Variants in YTHDF3 observed in about 807,000 individuals in gnomAD.
The protein encoded by YTHDF3 is YTH domain-containing family protein 3.
Under a neutral mutation model 52.5 loss-of-function variants are expected in YTHDF3, and 9 were observed. The ratio of observed to expected loss-of-function variants is 0.17; its 90% confidence interval spans 0.10 to 0.30. The LOEUF is 0.30. Ranked by LOEUF, YTHDF3 falls within the 10% of genes least tolerant of loss-of-function variation. The pLI is 1.00. For synonymous variants in YTHDF3, 274 were observed against 243.3 expected, an observed-to-expected ratio of 1.13 and a Z score of -1.18; for missense variants, 534 against 715.0, an observed-to-expected ratio of 0.75 and a Z score of 2.89.
Position 63,203,310 on chromosome 8 carries a change from A to G in YTHDF3, c.1735-6373A>G, listed in dbSNP as rs191536375. Among the ~76,000 whole-genome samples the G allele has an allele frequency of 5.4e-3, 817 of 152,220 alleles. 11 individuals carry two copies. The highest frequency in any genetic ancestry group is 0.019 in the African/African-American group (793 of 41,534). ...AACTTTTGGGTGAAATTTCAGTAAC[A>G]CTTTTATCCTCATAAACAATAAGGA... On this transcript the variant is annotated intron_variant, in intron 4 of 4. Transcript: ENST00000539294.
intron 3 of YTHDF3, among the ~76,000 whole-genome samples, chr8:63,181,005 G>A (rs1462670696): frequency 6.6e-6 from 1 of 152,182 alleles, no homozygotes; most frequent in Non-Finnish European, 1.5e-5. Context: ...CTTAAAATTA[G>A]TTCTTTATAG....
At position 63,209,712 on chromosome 8, in the gene YTHDF3, T is replaced by G. The variant is rs1468797716; in HGVS notation, c.*6T>G. ...GAAATAGAAACAAACAATAACCGTA[T>G]GAAGATGTCCTGTTAAATTTACAAC... On this transcript the variant is annotated 3_prime_UTR_variant, in exon 5 of 5. Transcript: ENST00000539294. 7.0e-6 allele frequency: 11 copies of G among 1,576,550 alleles called. No homozygotes were observed. The highest frequency in any genetic ancestry group is 9.4e-6 in the Non-Finnish European group (11 of 1,166,866).
At position 63,186,798 on chromosome 8, in the gene YTHDF3, T is replaced by C. The variant is rs745990022; in HGVS notation, c.787T>C (p.Ser263Pro). ...CAAGGGCAATGTGGGAATTGGGGGT[T>C]CTGCTGTACCACCACCTCCTATAAA... Reference protein sequence around the residue: ...KPKGNVGIGGSAVPPPPIKHN... With the variant: ...KPKGNVGIGGPAVPPPPIKHN... Residue 263 changes from serine to proline, a missense_variant, in exon 4 of 5, where the codon TCT becomes CCT. By Grantham distance (74) the Ser-to-Pro change is moderately conservative (BLOSUM62 -1). Coordinates refer to ENST00000539294, the MANE Select transcript of YTHDF3 (RefSeq NM_152758.6). 8.6e-5 allele frequency: 138 copies of C among 1,613,894 alleles called. No individual in the cohort carries two copies. The Middle Eastern group carries it at 1.3e-3, about 15-fold the overall frequency.
chr8:63,195,750 G>GTA (rs1809192651), intron 4 of YTHDF3, among the ~76,000 whole-genome samples: 1 of 150,836 alleles, frequency 6.6e-6, no homozygotes, highest in African/African-American at 2.5e-5. Context: ...GTGTGTGTGT[G>GTA]TGTGTGTGTG....
intron 2 of YTHDF3, 147 bp from the exon 3 acceptor site, chr8:63,175,183 TA>T (rs1432375242): frequency 3.5e-6 from 2 of 579,220 alleles, no homozygotes; most frequent in East Asian, 6.0e-5. Context: ...GTATCTAAAA[TA>T]GTTTATCCTT....
intron 4 of YTHDF3, among the ~76,000 whole-genome samples, chr8:63,209,417 A>G (rs1043256185): frequency 1.3e-5 from 2 of 152,236 alleles, no homozygotes; most frequent in African/African-American, 4.8e-5. Context: ...TATTCTCATC[A>G]TAAACAAACA....
Position 63,186,864 on chromosome 8 carries a change from G to C in YTHDF3, c.853G>C (p.Val285Leu), listed in dbSNP as rs1483110032. The C allele has an allele frequency of 2.5e-6, 4 of 1,613,878 alleles. No homozygotes were observed. The highest frequency in any genetic ancestry group is 1.3e-5 in the African/African-American group (1 of 74,910). Residue 285 changes from valine (V) to leucine (L), a missense_variant, in exon 4 of 5, where the codon GTG becomes CTG. Val to Leu is a conservative substitution (Grantham distance 32). Around this residue, in one of 3 missense-constraint regions of YTHDF3, gnomAD observed 203 missense variants for 201.3 expected, o/e 1.01. Transcript: ENST00000539294. ...TGGAACTTGGGATGAAAAAGGGTCAGTGGTAAAGGCTCCACCAACCCAACC... is the reference window on the plus strand; with the variant it reads ...TGGAACTTGGGATGAAAAAGGGTCACTGGTAAAGGCTCCACCAACCCAACC... ...NIGTWDEKGS[V>L]VKAPPTQPVL...
At chr8:63,207,920 T>C (rs1810139516) in intron 4 of YTHDF3, among the ~76,000 whole-genome samples, 1 of 152,246 alleles carries the variant, frequency 6.6e-6, no homozygotes, top group South Asian at 2.1e-4. Context: ...GCTATTTATT[T>C]CCTTTAGCAG....
rs548997059 is a variant in YTHDF3, at chr8:63,188,103, G to A, written c.1734+358G>A. ...TAATATTATTAATCATACTAACATAGGAGAAAATATATTTAGAGTTTGAAA... is the reference window on the plus strand; with the variant it reads ...TAATATTATTAATCATACTAACATAAGAGAAAATATATTTAGAGTTTGAAA... On this transcript the variant is annotated intron_variant, in intron 4 of 4. Transcript: ENST00000539294. Among the ~76,000 whole-genome samples, 12 of 152,142 alleles carry A rather than the reference G, an allele frequency of 7.9e-5. No homozygotes were observed. In the South Asian group the frequency reaches 1.2e-3, roughly 16 times the overall value.
chr8:63,193,271 G>A (rs907774400), intron 4 of YTHDF3, among the ~76,000 whole-genome samples: 6 of 150,516 alleles, frequency 4.0e-5, no homozygotes, highest in Admixed American at 1.3e-4. Context: ...CCAGCTACTC[G>A]GGAGGCTGAG....
intron 4 of YTHDF3, among the ~76,000 whole-genome samples, chr8:63,190,603 C>A (rs868755110): frequency 6.6e-6 from 1 of 152,066 alleles, no homozygotes; most frequent in Non-Finnish European, 1.5e-5. Context: ...ATAAACAGAC[C>A]GCAGCCTACT....
intron 2 of YTHDF3, among the ~76,000 whole-genome samples, chr8:63,170,952 T>C (rs1307218602): frequency 6.7e-6 from 1 of 149,366 alleles, no homozygotes; most frequent in Non-Finnish European, 1.5e-5. Context: ...ATATTAGATA[T>C]GAGTTGAGTT....
intron 4 of YTHDF3, chr8:63,189,183 A>G (rs372189285): frequency 5.3e-5 from 8 of 152,136 alleles, no homozygotes; most frequent in South Asian, 2.1e-4. Context: ...CTTGTATTAT[A>G]TTGGCCAGAA....
chr8:63,177,797 G>T (rs1807802640), intron 3 of YTHDF3, among the ~76,000 whole-genome samples: 1 of 145,090 alleles, frequency 6.9e-6, no homozygotes, highest in South Asian at 2.2e-4. Flanking sequence ...TCGCTCTGTT[G>T]CCTAGGCTGG....
At chr8:63,199,899 G>A (rs1030698355) in intron 4 of YTHDF3, among the ~76,000 whole-genome samples, 3 of 152,164 alleles carry the variant, frequency 2.0e-5, no homozygotes, top group African/African-American at 7.2e-5. Flanking sequence ...TATTAAATGA[G>A]TAGGGATAGT....
At chr8:63,168,981 C>A in intron 1 of YTHDF3, 80 bp downstream of exon 1, 2 of 1,508,938 alleles carry the variant, frequency 1.3e-6, no homozygotes, top group South Asian at 1.2e-5. Flanking sequence ...GGCTCCTCCC[C>A]GTCGCCGCCG....
intron 4 of YTHDF3, among the ~76,000 whole-genome samples, chr8:63,199,700 A>T (rs1437625183): frequency 6.6e-6 from 1 of 152,196 alleles, no homozygotes; most frequent in Non-Finnish European, 1.5e-5. Flanking sequence ...GTTACCGAAG[A>T]TAAGAGTTAT....
chr8:63,191,534 A>G (rs4739066), intron 4 of YTHDF3, among the ~76,000 whole-genome samples: 18,437 of 152,152 alleles, frequency 0.12, 1,463 homozygotes, highest in East Asian at 0.35. Context: ...TGAGCACAAA[A>G]GACTGTGTTT....
At chr8:63,186,099 T>G (rs1168070293) in intron 3 of YTHDF3, 48 bp from the exon 4 acceptor site, 4 of 1,492,570 alleles carry the variant, frequency 2.7e-6, no homozygotes, top group Non-Finnish European at 3.6e-6. Context: ...CTTTTTTTGC[T>G]CTTTTAAGAG....
Sources: gnomAD v4.1 joint callset for allele counts (sites outside exome capture counted in the v4.1 genomes callset) on GRCh38, gnomAD v4.1.1 for gene constraint, gnomAD v4.1.1 regional missense constraint, MANE v1.5 for transcripts, NCBI Gene and HGNC (gene_info 2026-07-23, HGNC 2026-07-21) for gene names.